The following CADPS2 variants were observed in gnomAD, a reference collection of about 807,000 sequenced individuals.
The protein encoded by CADPS2 is calcium dependent secretion activator 2.
Under a neutral mutation model 172.5 loss-of-function variants are expected in CADPS2, and 93 were observed. The ratio of observed to expected loss-of-function variants is 0.54; its 90% CI spans 0.46 to 0.64. The LOEUF (loss-of-function observed/expected upper bound fraction) is 0.64, where lower values mean the gene tolerates loss of function less well. Among genes scored for constraint, CADPS2 ranks in the 30% least tolerant of loss-of-function variants. The probability of loss-of-function intolerance (pLI) is 0.00; values close to 1 mark genes in which losing one functional copy is unlikely to be tolerated. For missense variants in CADPS2, 1,420 were observed against 1,565.9 expected (o/e 0.91, Z 1.57); for synonymous variants, 546 against 555.2 (o/e 0.98, Z 0.23).
chr7:122,739,283 C>T (rs1345909814), intron 1 of CADPS2, among the ~76,000 whole-genome samples: 2 of 152,292 alleles, frequency 1.3e-5, no homozygotes, highest in Admixed American at 1.3e-4. Context: ...CTTGTGCCAA[C>T]TCCTTTGCTT....
At chr7:122,683,311 TG>T (rs975345698) in intron 2 of CADPS2, among the ~76,000 whole-genome samples, 4 of 152,146 alleles carry the variant, frequency 2.6e-5, no homozygotes, top group African/African-American at 9.7e-5. Flanking sequence ...TGTGTTGCTC[TG>T]CCAGCTGAAG....
chr7:122,709,131 C>T (rs1474447312), intron 2 of CADPS2, among the ~76,000 whole-genome samples: 1 of 152,042 alleles, frequency 6.6e-6, no homozygotes, highest in East Asian at 1.9e-4. Flanking sequence ...CTGCCCTTCT[C>T]ATTATTAAGA....
intron 14 of CADPS2, among the ~76,000 whole-genome samples, chr7:122,468,816 G>A (rs534487903): frequency 2.6e-5 from 4 of 152,230 alleles, no homozygotes; most frequent in Non-Finnish European, 4.4e-5. Flanking sequence ...CACAGGAAAC[G>A]TCATAACTTT....
At chr7:122,404,713 T>C (rs896594215) in intron 20 of CADPS2, among the ~76,000 whole-genome samples, 6 of 152,250 alleles carry the variant, frequency 3.9e-5, no homozygotes, top group Admixed American at 3.3e-4. Context: ...TATCTCATTG[T>C]GGTTTTGATT....
chr7:122,873,332 C>T (rs1820302960), intron 1 of CADPS2, among the ~76,000 whole-genome samples: 1 of 152,140 alleles, frequency 6.6e-6, no homozygotes, highest in Non-Finnish European at 1.5e-5. Context: ...AGCCCCCCAA[C>T]CCAATAGGCC....
chr7:122,378,838 T>G (rs1280673083), intron 25 of CADPS2: 1 of 152,538 alleles, frequency 6.6e-6, no homozygotes, highest in East Asian at 1.9e-4. Flanking sequence ...AATCACTAAA[T>G]GATGCGCCCA....
At chr7:122,468,639 T>C (rs1484907776) in intron 14 of CADPS2, among the ~76,000 whole-genome samples, 1 of 152,192 alleles carries the variant, frequency 6.6e-6, no homozygotes, top group Non-Finnish European at 1.5e-5. Flanking sequence ...TATTTGCCCC[T>C]TTTATGTATG....
intron 9 of CADPS2, among the ~76,000 whole-genome samples, chr7:122,494,381 T>C (rs1433192853): frequency 6.6e-6 from 1 of 152,142 alleles, no homozygotes; most frequent in East Asian, 1.9e-4. Flanking sequence ...AGCGGTTTGG[T>C]TAAAATATAT....
At chr7:122,426,403 G>A (rs577028667) in intron 17 of CADPS2, among the ~76,000 whole-genome samples, 132 of 152,274 alleles carry the variant, frequency 8.7e-4, no homozygotes, top group Non-Finnish European at 1.3e-3. Context: ...TGCATGCATT[G>A]ATGCCTCATG....
At chr7:122,397,205 T>C (rs150517682) in intron 20 of CADPS2, among the ~76,000 whole-genome samples, 38 of 152,294 alleles carry the variant, frequency 2.5e-4, no homozygotes, top group African/African-American at 8.7e-4. Flanking sequence ...CAAATGATTA[T>C]ATCCTGCAGA....
chr7:122,562,825 TTC>T (rs2065934965), intron 7 of CADPS2, among the ~76,000 whole-genome samples: 1 of 152,150 alleles, frequency 6.6e-6, no homozygotes, highest in Non-Finnish European at 1.5e-5. Context: ...ATGCTTAATT[TTC>T]TCTCATTTTG....
chr7:122,698,338 A>G (rs200636100), intron 2 of CADPS2: 3 of 1,613,910 alleles, frequency 1.9e-6, no homozygotes, highest in Non-Finnish European at 1.7e-6. Context: ...GACAATCACA[A>G]AAGAGACCAA....
At chr7:122,516,658 G>A (rs1409405476) in intron 8 of CADPS2, among the ~76,000 whole-genome samples, 2 of 152,020 alleles carry the variant, frequency 1.3e-5, no homozygotes, top group Admixed American at 6.6e-5. Context: ...GCCATTAAAA[G>A]TGAGGCCAGA....
At chr7:122,392,182 T>C (rs2044454281) in intron 22 of CADPS2, among the ~76,000 whole-genome samples, 1 of 152,154 alleles carries the variant, frequency 6.6e-6, no homozygotes. Flanking sequence ...TTCCCATTTG[T>C]AAACTAGTAC....
At chr7:122,869,051 G>A (rs1459078424) in intron 1 of CADPS2, among the ~76,000 whole-genome samples, 1 of 151,800 alleles carries the variant, frequency 6.6e-6, no homozygotes, top group Non-Finnish European at 1.5e-5. Flanking sequence ...GATAACCTAA[G>A]GGAATTATGG....
At chr7:122,629,559 C>T (rs2076384530) in intron 3 of CADPS2, among the ~76,000 whole-genome samples, 1 of 151,952 alleles carries the variant, frequency 6.6e-6, no homozygotes, top group Non-Finnish European at 1.5e-5. Context: ...ACAAAACCAC[C>T]AAATCAAGAA....
rs372667699 is a variant in CADPS2 at position 122,636,289 on chromosome 7, T to A, written c.787-6961A>T. Among the ~76,000 whole-genome samples, 3 of 152,112 alleles carry A rather than the reference T, an allele frequency of 2.0e-5. No individual in the cohort carries two copies. The East Asian group carries it at 5.8e-4, about 29-fold the overall frequency. ...TTAAGGACCTCTTGTAAGGGTAGTC[T>A]AGTGTTAATGAATTCCTTTAGTACT... On this transcript the variant is annotated intron_variant, in intron 3 of 29. Coordinates refer to ENST00000449022, the MANE Select transcript of CADPS2 (RefSeq NM_017954.11).
chr7:122,724,786 T>C (rs1259646936), intron 2 of CADPS2, among the ~76,000 whole-genome samples: 2 of 152,030 alleles, frequency 1.3e-5, no homozygotes, highest in Non-Finnish European at 2.9e-5. Flanking sequence ...TGCTGAAGCC[T>C]CCACAAGTCC....
intron 22 of CADPS2, among the ~76,000 whole-genome samples, chr7:122,392,922 T>C (rs1037094264): frequency 7.9e-5 from 12 of 152,126 alleles, no homozygotes; most frequent in African/African-American, 2.7e-4. Flanking sequence ...CACCAAATGA[T>C]TTACTTAGGG....
Sources: allele counts gnomAD v4.1 joint callset (sites outside exome capture counted in the v4.1 genomes callset), GRCh38; gene constraint gnomAD v4.1.1; transcripts MANE v1.5; gene names NCBI Gene and HGNC (gene_info 2026-07-23, HGNC 2026-07-21).